Variants in DNM1L observed in about 807,000 individuals in gnomAD.
DNM1L encodes dynamin-1-like protein.
Under a neutral mutation model 92.8 loss-of-function variants are expected in DNM1L, and 33 were observed. The observed-to-expected ratio is 0.36, with a 90% CI of 0.27 to 0.48. DNM1L has a LOEUF of 0.48. Ranked by LOEUF, DNM1L falls within the 20% of genes least tolerant of loss-of-function variation. The probability of loss-of-function intolerance (pLI) is 0.99; values close to 1 mark genes in which losing one functional copy is unlikely to be tolerated. For missense variants in DNM1L, 485 were observed against 888.8 expected (o/e 0.55, Z 5.78); for synonymous variants, 284 against 305.0 (o/e 0.93, Z 0.72).
At chr12:32,727,007 C>G in intron 9 of DNM1L, 1 of 741,714 alleles carries the variant, frequency 1.3e-6, no homozygotes, top group Non-Finnish European at 2.5e-6. Flanking sequence ...GTTTCTGAAG[C>G]ATATCACTGA....
In DNM1L at chr12:32,713,305, ACTG is replaced by A; in HGVS notation, c.559_561del (p.Ala187del). 1 of 1,613,982 alleles carries A rather than the reference ACTG, an allele frequency of 6.2e-7. No individual in the cohort carries two copies. Among genetic ancestry groups the A allele is most frequent in the Non-Finnish European group, 8.5e-7 (1 of 1,179,948 alleles). On this transcript the variant is annotated inframe_deletion, in exon 6 of 20. Coordinates refer to ENST00000549701, the MANE Select transcript of DNM1L (RefSeq NM_012062.5). ...TCCTAATTCCATTATCCTCGCTGTCACTGCTGCTAATACAGATATGGCAACATC... is the reference window on the plus strand; with the variant it reads ...TCCTAATTCCATTATCCTCGCTGTCACTGCTAATACAGATATGGCAACATC...
intron 16 of DNM1L, among the ~76,000 whole-genome samples, chr12:32,739,623 C>T (rs567975584): frequency 2.1e-4 from 32 of 152,258 alleles, no homozygotes; most frequent in Non-Finnish European, 3.5e-4. Context: ...AGTTCAGAGA[C>T]GTAAGTTCAT....
intron 19 of DNM1L, 80 bp from the exon 20 acceptor site, chr12:32,743,270 ATATT>A (rs1307667062): frequency 8.3e-7 from 1 of 1,211,314 alleles, no homozygotes; most frequent in Non-Finnish European, 1.2e-6. Flanking sequence ...TACCACATAT[ATATT>A]GGAAAAATTA....
chr12:32,679,708 C>G (rs2137181312), intron 1 of DNM1L: 2 of 1,209,210 alleles, frequency 1.7e-6, no homozygotes, highest in South Asian at 2.9e-5. Flanking sequence ...CGCGGCGGGC[C>G]TGGCTAGCCC....
At chr12:32,726,127 A>G (rs1419313544) in intron 9 of DNM1L, among the ~76,000 whole-genome samples, 1 of 152,098 alleles carries the variant, frequency 6.6e-6, no homozygotes, top group African/African-American at 2.4e-5. Context: ...AGCTATATAA[A>G]TATTCCAGAA....
intron 6 of DNM1L, among the ~76,000 whole-genome samples, chr12:32,717,348 T>G (rs1413576694): frequency 3.1e-5 from 2 of 64,874 alleles, no homozygotes; most frequent in East Asian, 6.3e-4. Context: ...ATACTATATA[T>G]TATATATAGT....
At chr12:32,735,499 A>G (rs1401897125) in intron 13 of DNM1L, among the ~76,000 whole-genome samples, 2 of 152,144 alleles carry the variant, frequency 1.3e-5, no homozygotes, top group Admixed American at 6.5e-5. Context: ...CTATACTTTT[A>G]TTATCTGTTA....
rs1954627801 is a variant in DNM1L at position 32,732,674 on chromosome 12, T to C, written c.1446+731T>C. The C allele has an allele frequency of 1.4e-5, 6 of 439,290 alleles. 1 individual carries two copies. In the Middle Eastern group the frequency reaches 1.3e-3, roughly 98 times the overall value. The allele number at this position is 439,290 out of a possible 1,614,324, so 27.2% of individuals were successfully genotyped here. On this transcript the variant is annotated intron_variant, in intron 12 of 19. Transcript: ENST00000549701. Reference sequence around the variant, plus strand: ...GCCCTCAGATTCTGATGTCTAAGACTGAATTTAGCCCAGAATCATTGGACC... The same window carrying C: ...GCCCTCAGATTCTGATGTCTAAGACCGAATTTAGCCCAGAATCATTGGACC...
At chr12:32,730,322 C>G (rs919085572) in intron 9 of DNM1L, among the ~76,000 whole-genome samples, 7 of 152,326 alleles carry the variant, frequency 4.6e-5, no homozygotes, top group African/African-American at 1.4e-4. Flanking sequence ...CAAGAGCGCA[C>G]CACTGCACTC....
At chr12:32,711,158 A>G (rs1202335632) in intron 5 of DNM1L, 143 bp downstream of exon 5, 5 of 721,354 alleles carry the variant, frequency 6.9e-6, no homozygotes, top group Non-Finnish European at 1.2e-5. Flanking sequence ...TCCTTGAAAC[A>G]CTTTCTTTAC....
intron 9 of DNM1L, chr12:32,728,349 T>C (rs1003439635): frequency 5.3e-5 from 8 of 152,146 alleles, no homozygotes; most frequent in Non-Finnish European, 5.9e-5. Flanking sequence ...TTGAGAAAAA[T>C]AGATTACCAC....
At chr12:32,735,128 C>G (rs1331292196) in intron 13 of DNM1L, among the ~76,000 whole-genome samples, 1 of 152,180 alleles carries the variant, frequency 6.6e-6, no homozygotes, top group East Asian at 1.9e-4. Flanking sequence ...TTCTGTTACA[C>G]TGACAAGGTC....
rs960133604 is a variant in DNM1L, at chr12:32,735,189, TG to T, written c.1539+1384del. Among the ~76,000 whole-genome samples, 22 of 152,362 alleles carry T rather than the reference TG, an allele frequency of 1.4e-4. No individual in the cohort carries two copies. In the East Asian group the frequency reaches 3.5e-3, roughly 24 times the overall value. The stretch of plus-strand genomic sequence containing the variant: ...ATTTTTCTACAAATGAATAGGTTTC[TG>T]GTTTTAATGACTGTGCCAGAGAACT... On this transcript the variant is annotated intron_variant, in intron 13 of 19. Coordinates refer to ENST00000549701, the MANE Select transcript of DNM1L (RefSeq NM_012062.5).
Position 32,707,369 on chromosome 12 carries a change from G to T in DNM1L, c.253G>T (p.Val85Leu), listed in dbSNP as rs772365551. The change falls in exon 3 of 20, where the codon GTG becomes TTG. Residue 85 changes from valine (V) to leucine (L), a missense_variant and splice_region_variant. By Grantham distance (32) the Val-to-Leu change is conservative. Coordinates refer to ENST00000549701, the MANE Select transcript of DNM1L (RefSeq NM_012062.5). The stretch of plus-strand genomic sequence containing the variant: ...AAATGAGTTTTTCTTTTTTCCAGGG[G>T]TGGAAGCAGAAGAATGGGGTAAATT... ...KRKTTGEENG[V>L]EAEEWGKFLH... The T allele has an allele frequency of 1.9e-6, 3 of 1,605,740 alleles. No individual in the cohort carries two copies. Among genetic ancestry groups the T allele is most frequent in the African/African-American group, 1.3e-5 (1 of 74,520 alleles).
At chr12:32,702,549 T>C (rs915636912) in intron 2 of DNM1L, among the ~76,000 whole-genome samples, 3 of 152,220 alleles carry the variant, frequency 2.0e-5, no homozygotes, top group Admixed American at 6.5e-5. Flanking sequence ...TGCAGAGATC[T>C]GTTTTCAATG....
chr12:32,693,818 TG>T (rs1470344515), intron 1 of DNM1L, among the ~76,000 whole-genome samples: 1 of 152,050 alleles, frequency 6.6e-6, no homozygotes, highest in African/African-American at 2.4e-5. Flanking sequence ...TTTTATTTTT[TG>T]TAAAGATGAG....
chr12:32,680,377 T>C (rs1344446256), intron 1 of DNM1L, among the ~76,000 whole-genome samples: 1 of 152,212 alleles, frequency 6.6e-6, no homozygotes, highest in African/African-American at 2.4e-5. Context: ...ATAGTATCTT[T>C]TCTATTGAGA....
At chr12:32,690,689 C>A (rs1266469349) in intron 1 of DNM1L, among the ~76,000 whole-genome samples, 3 of 152,116 alleles carry the variant, frequency 2.0e-5, no homozygotes, top group Admixed American at 2.0e-4. Flanking sequence ...TAGTAACCAT[C>A]TCATAGAGTT....
chr12:32,720,927 T>G, intron 8 of DNM1L, 132 bp downstream of exon 8: 1 of 1,161,276 alleles, frequency 8.6e-7, no homozygotes, highest in Non-Finnish European at 1.2e-6. Context: ...ATATAGTAGG[T>G]TCCTGAAGAG....
Sources: gnomAD v4.1 joint callset for allele counts (sites outside exome capture counted in the v4.1 genomes callset) on GRCh38, gnomAD v4.1.1 for gene constraint, MANE v1.5 for transcripts, NCBI Gene and HGNC (gene_info 2026-07-23, HGNC 2026-07-21) for gene names.